Variants in ZBBX observed in about 807,000 individuals in gnomAD.
ZBBX encodes the protein zinc finger B-box domain-containing protein 1.
In ZBBX, 101 loss-of-function variants were observed where a neutral mutation model predicts 108.5. The ratio of observed to expected loss-of-function variants is 0.93; its 90% CI spans 0.79 to 1.10. The LOEUF is 1.10. Ranked by LOEUF, ZBBX falls within the 50% of genes least tolerant of loss-of-function variation. The pLI is 0.00. For missense variants in ZBBX, 1,009 were observed against 941.4 expected, an observed-to-expected ratio of 1.07 and a Z score of -0.94; for synonymous variants, 356 against 323.4, an observed-to-expected ratio of 1.10 and a Z score of -1.08.
At chr3:167,224,223 C>T in the ZBBX span, among the ~76,000 whole-genome samples, 4 of 151,912 alleles carry the variant, frequency 2.6e-5, no homozygotes, top group Non-Finnish European at 5.9e-5. Flanking sequence ...TCAGACTTCT[C>T]ATAAATAAAT....
chr3:167,374,139 T>TGA, intron 2 of ZBBX, among the ~76,000 whole-genome samples: 1 of 151,696 alleles, frequency 6.6e-6, no homozygotes, highest in Middle Eastern at 3.4e-3. Flanking sequence ...AATATCCTTT[T>TGA]TATATATATA....
chr3:167,304,584 T>C (rs1733295080), intron 17 of ZBBX, among the ~76,000 whole-genome samples: 1 of 152,180 alleles, frequency 6.6e-6, no homozygotes, highest in Non-Finnish European at 1.5e-5. Flanking sequence ...TTAACAATAA[T>C]GTTAATGTCT....
At chr3:167,237,359 C>T (rs1720272790), downstream of ZBBX, among the ~76,000 whole-genome samples, 1 of 151,886 alleles carries the variant, frequency 6.6e-6, no homozygotes, top group South Asian at 2.1e-4. Context: ...ATGACTATTA[C>T]AGCACTACAC....
chr3:167,215,405 T>C, the ZBBX span, among the ~76,000 whole-genome samples: 1 of 152,132 alleles, frequency 6.6e-6, no homozygotes, highest in East Asian at 1.9e-4. Context: ...CCTGGACACA[T>C]ACACCCTCCC....
chr3:167,238,916 A>G (rs1201246933), downstream of ZBBX, among the ~76,000 whole-genome samples: 1 of 152,130 alleles, frequency 6.6e-6, no homozygotes, highest in African/African-American at 2.4e-5. Flanking sequence ...AACTGGCTGT[A>G]TTGGGTTCTC....
At chr3:167,319,022 G>A (rs1220091043) in intron 12 of ZBBX, among the ~76,000 whole-genome samples, 1 of 151,978 alleles carries the variant, frequency 6.6e-6, no homozygotes, top group Non-Finnish European at 1.5e-5. Flanking sequence ...AAATGGTACA[G>A]TCAATTTAGA....
chr3:167,239,068 T>C (rs533841894), downstream of ZBBX, among the ~76,000 whole-genome samples: 2 of 152,216 alleles, frequency 1.3e-5, no homozygotes, highest in Admixed American at 6.5e-5. Context: ...CCTCATGCAA[T>C]TGTGGGATTA....
chr3:167,233,048 AAAC>A, the ZBBX span, among the ~76,000 whole-genome samples: 3 of 151,758 alleles, frequency 2.0e-5, no homozygotes, highest in Non-Finnish European at 2.9e-5. Context: ...TCTGCCCTAT[AAAC>A]CTCCCTTTGA....
At chr3:167,252,380 G>C (rs1333728061) in intron 20 of ZBBX, among the ~76,000 whole-genome samples, 3 of 152,170 alleles carry the variant, frequency 2.0e-5, no homozygotes, top group Admixed American at 2.0e-4. Context: ...AGTGAAAGGT[G>C]AATGGAATTG....
chr3:167,224,099 T>C, the ZBBX span, among the ~76,000 whole-genome samples: 1 of 151,902 alleles, frequency 6.6e-6, no homozygotes, highest in African/African-American at 2.4e-5. Context: ...TGCATGCCAA[T>C]TAGCAGTCCA....
the ZBBX span, among the ~76,000 whole-genome samples, chr3:167,200,014 C>A: frequency 6.6e-6 from 1 of 152,136 alleles, no homozygotes; most frequent in South Asian, 2.1e-4. Flanking sequence ...CCTTTTTGTA[C>A]CTTGGTTTAC....
At chr3:167,369,484 G>T (rs1745844739) in intron 4 of ZBBX, among the ~76,000 whole-genome samples, 1 of 152,206 alleles carries the variant, frequency 6.6e-6, no homozygotes, top group Non-Finnish European at 1.5e-5. Context: ...TATACAGAAA[G>T]TGATAGGAAG....
chr3:167,266,179 A>T (rs745502882), intron 20 of ZBBX, among the ~76,000 whole-genome samples: 4 of 152,120 alleles, frequency 2.6e-5, no homozygotes, highest in African/African-American at 7.2e-5. Flanking sequence ...CTGTTTTGCC[A>T]TGTTTCTCCT....
At chr3:167,384,942 T>C (rs1444329739), upstream of ZBBX, among the ~76,000 whole-genome samples, 2 of 152,076 alleles carry the variant, frequency 1.3e-5, no homozygotes, top group Non-Finnish European at 2.9e-5. Context: ...CAAAACTTTT[T>C]AAATTGTTGG....
intron 17 of ZBBX, among the ~76,000 whole-genome samples, chr3:167,303,375 A>C (rs141878242): frequency 1.3e-5 from 2 of 152,326 alleles, no homozygotes; most frequent in African/African-American, 4.8e-5. Context: ...CAGTCTTACA[A>C]GTTATGGTAC....
Position 167,330,941 on chromosome 3 carries a change from T to C in ZBBX, c.688-2825A>G, listed in dbSNP as rs12632638. Among the ~76,000 whole-genome samples, 62 of 12,568 alleles carry C rather than the reference T, an allele frequency of 4.9e-3. 3 individuals are homozygous for C. The East Asian group carries it at 0.21, about 42-fold the overall frequency. 8.2% of individuals were successfully genotyped at this position (12,568 alleles called of 152,430 possible). On this transcript the variant is annotated intron_variant, in intron 10 of 21. Transcript: ENST00000675490. ...CATATATCTCTTCTCTCTCCTCTCT[T>C]TCTTTCTCTCTCTCTCTCTCTCTCC...
chr3:167,319,929 G>T (rs1304977312), intron 12 of ZBBX, among the ~76,000 whole-genome samples: 1 of 151,898 alleles, frequency 6.6e-6, no homozygotes, highest in African/African-American at 2.4e-5. Flanking sequence ...ATGCCTGGGT[G>T]TGAATGCATG....
chr3:167,280,900 C>T (rs1416222551), intron 20 of ZBBX, among the ~76,000 whole-genome samples: 5 of 152,054 alleles, frequency 3.3e-5, no homozygotes, highest in East Asian at 3.9e-4. Context: ...GTGGCACATA[C>T]ACACCATGGA....
At chr3:167,386,045 A>T (rs550297716) in intron 1 of ZBBX, among the ~76,000 whole-genome samples, 22 of 152,208 alleles carry the variant, frequency 1.4e-4, no homozygotes, top group African/African-American at 5.3e-4. Context: ...AAACTGAACC[A>T]GTCAGATACT....
Sources: allele counts gnomAD v4.1 joint callset (sites outside exome capture counted in the v4.1 genomes callset), GRCh38; gene constraint gnomAD v4.1.1; transcripts MANE v1.5; gene names NCBI Gene and HGNC (gene_info 2026-07-23, HGNC 2026-07-21).